The following CFAP70 variants were observed in gnomAD, a reference collection of about 807,000 sequenced individuals.
CFAP70 encodes cilia and flagella associated protein 70.
In CFAP70, 81 loss-of-function variants were observed where a neutral mutation model predicts 137.6. The observed-to-expected ratio is 0.59, with a 90% CI of 0.49 to 0.71. The LOEUF (loss-of-function observed/expected upper bound fraction) is 0.71, where lower values mean the gene tolerates loss of function less well. Ranked by LOEUF, CFAP70 falls within the 30% of genes least tolerant of loss-of-function variation. CFAP70 has a pLI of 0.00. For synonymous variants in CFAP70, 382 were observed against 423.6 expected (o/e 0.90, Z 1.20); for missense variants, 976 against 1,226.7 (o/e 0.80, Z 3.05).
intron 14 of CFAP70, among the ~76,000 whole-genome samples, chr10:73,298,158 C>T (rs1308608365): frequency 6.6e-6 from 1 of 151,754 alleles, no homozygotes; most frequent in Admixed American, 6.6e-5. Flanking sequence ...TCTTTACTAT[C>T]TCTGTGACTT....
intron 3 of CFAP70, among the ~76,000 whole-genome samples, chr10:73,351,365 G>A (rs969566536): frequency 2.0e-5 from 3 of 151,682 alleles, no homozygotes; most frequent in Admixed American, 6.6e-5. Flanking sequence ...TGATCTGCCC[G>A]CCTTGGCCTC....
intron 5 of CFAP70, among the ~76,000 whole-genome samples, chr10:73,342,749 AT>A (rs1253160187): frequency 6.6e-6 from 1 of 152,180 alleles, no homozygotes; most frequent in African/African-American, 2.4e-5. Context: ...AAAAAGAGTT[AT>A]ATTTTATCAC....
At chr10:73,289,468 T>C (rs191471262) in intron 19 of CFAP70, among the ~76,000 whole-genome samples, 14 of 151,896 alleles carry the variant, frequency 9.2e-5, no homozygotes, top group African/African-American at 3.4e-4. Context: ...GTATTTTTGG[T>C]AGAGACAGGG....
intron 1 of CFAP70, among the ~76,000 whole-genome samples, chr10:73,358,500 C>G (rs2054845635): frequency 6.6e-6 from 1 of 152,250 alleles, no homozygotes; most frequent in South Asian, 2.1e-4. Flanking sequence ...AAAGGAAGGT[C>G]TACGTCCGCG....
intron 9 of CFAP70, among the ~76,000 whole-genome samples, chr10:73,317,504 T>C (rs1175239329): frequency 6.6e-6 from 1 of 152,224 alleles, no homozygotes; most frequent in African/African-American, 2.4e-5. Flanking sequence ...TCTCTTTGTC[T>C]CTCTCTTTCA....
At chr10:73,277,158 AG>A (rs2046816279) in intron 21 of CFAP70, 81 bp downstream of exon 22, 1 of 1,449,550 alleles carries the variant, frequency 6.9e-7, no homozygotes, top group Admixed American at 2.3e-5. Context: ...CAAATATGGA[AG>A]CTTGAAAGAT....
rs574931795 is a variant in CFAP70 at position 73,326,429 on chromosome 10, A to G, written c.778-3332T>C. On this transcript the variant is annotated intron_variant, in intron 8 of 26. Transcript: ENST00000310715. ...CCCTAACATCACAATTAAAAGAACT[A>G]GAAAAGCAAGAGCAAACACATTCAA... Among the ~76,000 whole-genome samples, 598 of 147,604 alleles carry G rather than the reference A, an allele frequency of 4.1e-3. 1 individual carries two copies. The highest frequency in any genetic ancestry group is 5.7e-3 in the Non-Finnish European group (382 of 67,276).
At chr10:73,339,691 G>C (rs747699323) in intron 6 of CFAP70, among the ~76,000 whole-genome samples, 33 of 152,250 alleles carry the variant, frequency 2.2e-4, no homozygotes, top group Non-Finnish European at 3.8e-4. Flanking sequence ...CCAGGCGTCA[G>C]CACAGGTGCC....
At chr10:73,277,667 T>A (rs1298021615) in intron 20 of CFAP70, among the ~76,000 whole-genome samples, 1 of 151,258 alleles carries the variant, frequency 6.6e-6, no homozygotes, top group Non-Finnish European at 1.5e-5. Flanking sequence ...GAGCCGAGAT[T>A]GCGCCACTGC....
At chr10:73,318,601 G>C (rs1330951629) in intron 9 of CFAP70, among the ~76,000 whole-genome samples, 2 of 152,082 alleles carry the variant, frequency 1.3e-5, no homozygotes, top group Non-Finnish European at 2.9e-5. Context: ...AACAAGCATT[G>C]CCTCCATTTT....
At chr10:73,335,556 T>C in intron 6 of CFAP70, 32 bp from the exon 8 acceptor site, 1 of 1,521,812 alleles carries the variant, frequency 6.6e-7, no homozygotes, top group Non-Finnish European at 9.1e-7. Context: ...GTTCTCGGTA[T>C]GTGTGCCATG....
chr10:73,340,552 C>A (rs140836176), intron 6 of CFAP70, among the ~76,000 whole-genome samples: 1 of 152,190 alleles, frequency 6.6e-6, no homozygotes, highest in Non-Finnish European at 1.5e-5. Flanking sequence ...TGCCCAGGAG[C>A]CTGTCTGCCT....
At chr10:73,333,906 T>G (rs1206317469) in intron 7 of CFAP70, among the ~76,000 whole-genome samples, 1 of 152,310 alleles carries the variant, frequency 6.6e-6, no homozygotes, top group South Asian at 2.1e-4. Context: ...AAGGTAATAA[T>G]GGCAACAATG....
chr10:73,362,518 T>TTTTG (rs2055051427), upstream of CFAP70, among the ~76,000 whole-genome samples: 1 of 151,860 alleles, frequency 6.6e-6, no homozygotes, highest in Non-Finnish European at 1.5e-5. Context: ...CTTCCTAGGG[T>TTTTG]TTTTGTTTTG....
At chr10:73,293,028 A>AT (rs2048288478) in intron 16 of CFAP70, among the ~76,000 whole-genome samples, 1 of 151,988 alleles carries the variant, frequency 6.6e-6, no homozygotes, top group African/African-American at 2.4e-5. Flanking sequence ...GGTTTATTTT[A>AT]TTTTTTGCAA....
At chr10:73,312,032 G>T (rs889867304) in intron 10 of CFAP70, 118 bp from the exon 12 acceptor site, 43 of 790,452 alleles carry the variant, frequency 5.4e-5, no homozygotes, top group Non-Finnish European at 8.3e-5. Context: ...AAAAAAGAAT[G>T]AGTTTGTGTC....
At chr10:73,281,285 C>T (rs951651162) in intron 19 of CFAP70, among the ~76,000 whole-genome samples, 12 of 151,698 alleles carry the variant, frequency 7.9e-5, no homozygotes, top group East Asian at 1.9e-4. Flanking sequence ...CCCAGGCTCA[C>T]GTGATCCTCC....
intron 9 of CFAP70, among the ~76,000 whole-genome samples, chr10:73,316,443 C>T (rs1025119321): frequency 5.1e-5 from 7 of 136,978 alleles, no homozygotes; most frequent in African/African-American, 1.9e-4. Context: ...TTGTGATATC[C>T]CATTTAATTC....
upstream of CFAP70, among the ~76,000 whole-genome samples, chr10:73,360,757 T>C (rs2054974985): frequency 6.6e-6 from 1 of 152,170 alleles, no homozygotes; most frequent in Non-Finnish European, 1.5e-5. Flanking sequence ...TTTGGGTGAA[T>C]TTGCACTGAG....
Sources: gnomAD v4.1 joint callset for allele counts (sites outside exome capture counted in the v4.1 genomes callset) on GRCh38, gnomAD v4.1.1 for gene constraint, MANE v1.5 for transcripts, NCBI Gene and HGNC (gene_info 2026-07-23, HGNC 2026-07-21) for gene names.